The following FAM76A variants were observed in gnomAD, a reference collection of about 807,000 sequenced individuals.
The protein encoded by FAM76A is family with sequence similarity 76 member A.
FAM76A carries 32 observed loss-of-function variants against 46.2 expected under a neutral mutation model. The ratio of observed to expected loss-of-function variants is 0.69; its 90% CI spans 0.52 to 0.93. The LOEUF is 0.93. Among genes scored for constraint, FAM76A ranks in the 40% least tolerant of loss-of-function variants. The pLI is 0.00. For missense variants in FAM76A, 274 were observed against 361.5 expected (o/e 0.76, Z 1.96); for synonymous variants, 137 against 127.0 (o/e 1.08, Z -0.53).
intron 6 of FAM76A, among the ~76,000 whole-genome samples, chr1:27,751,465 C>T (rs2088330274): frequency 6.7e-6 from 1 of 148,780 alleles, no homozygotes; most frequent in Non-Finnish European, 1.5e-5. Flanking sequence ...TTTTTAATGT[C>T]ATCCAAACCA....
chr1:27,737,612 G>A (rs2088071924), intron 4 of FAM76A, among the ~76,000 whole-genome samples: 1 of 151,934 alleles, frequency 6.6e-6, no homozygotes, highest in Non-Finnish European at 1.5e-5. Flanking sequence ...AGCACTTTGG[G>A]AGGCCAAGGC....
intron 2 of FAM76A, among the ~76,000 whole-genome samples, chr1:27,731,912 C>T (rs948061289): frequency 1.3e-5 from 2 of 152,094 alleles, no homozygotes; most frequent in African/African-American, 2.4e-5. Flanking sequence ...ACCTCCGCCT[C>T]CCGGGTTCAA....
intron 2 of FAM76A, among the ~76,000 whole-genome samples, chr1:27,732,364 A>G (rs2087973750): frequency 6.6e-6 from 1 of 152,138 alleles, no homozygotes; most frequent in Non-Finnish European, 1.5e-5. Context: ...TGGGAGGCAG[A>G]GGTTATAGTG....
At chr1:27,759,767 T>TTTTTTTTTTTG in intron 8 of FAM76A, 140 bp downstream of exon 8, 6 of 367,182 alleles carry the variant, frequency 1.6e-5, no homozygotes, top group East Asian at 1.2e-4. Flanking sequence ...CCCTTTTAGG[T>TTTTTTTTTTTG]TTTTTTTTTT....
At position 27,735,575 on chromosome 1, in the gene FAM76A, A is replaced by T. The variant is rs569073666; in HGVS notation, c.354+1392A>T. On this transcript the variant is annotated intron_variant, in intron 4 of 8. Coordinates refer to ENST00000373954, the MANE Select transcript of FAM76A (RefSeq NM_152660.3). ...AGGATATAACTTTCTATTGACCAGG[A>T]TACTCCTGCCTGCCAACCAGGACAT... Among the ~76,000 whole-genome samples the T allele has an allele frequency of 1.6e-4, 25 of 152,294 alleles. No individual in the cohort carries two copies. In the South Asian group the frequency reaches 5.2e-3, roughly 32 times the overall value.
At chr1:27,730,916 G>T (rs1228833339) in intron 2 of FAM76A, among the ~76,000 whole-genome samples, 2 of 151,980 alleles carry the variant, frequency 1.3e-5, no homozygotes, top group African/African-American at 4.8e-5. Flanking sequence ...CCCAGGCTGA[G>T]CCTCCTAAAG....
At chr1:27,744,120 T>TA (rs1328819511) in intron 4 of FAM76A, among the ~76,000 whole-genome samples, 28 of 152,116 alleles carry the variant, frequency 1.8e-4, no homozygotes, top group African/African-American at 5.8e-4. Flanking sequence ...GAAATTTATT[T>TA]ATTTAATTTA....
chr1:27,735,114 G>A (rs1352861066), intron 4 of FAM76A, among the ~76,000 whole-genome samples: 1 of 152,198 alleles, frequency 6.6e-6, no homozygotes, highest in Non-Finnish European at 1.5e-5. Flanking sequence ...CCTGTAGTCT[G>A]TCTGACATGC....
At chr1:27,744,546 A>G (rs139497813) in intron 4 of FAM76A, 108 bp from the exon 5 acceptor site, 18 of 1,176,544 alleles carry the variant, frequency 1.5e-5, no homozygotes, top group Admixed American at 1.3e-4. Flanking sequence ...GTCACAGCAC[A>G]TAAGTTTCAG....
chr1:27,756,487 C>T (rs1029028968), intron 7 of FAM76A, among the ~76,000 whole-genome samples: 2 of 151,912 alleles, frequency 1.3e-5, no homozygotes, highest in Admixed American at 6.6e-5. Flanking sequence ...GATGGGGTTT[C>T]GCCATGTTGG....
At chr1:27,746,844 AG>A (rs1265824097) in intron 5 of FAM76A, among the ~76,000 whole-genome samples, 1 of 152,168 alleles carries the variant, frequency 6.6e-6, no homozygotes, top group African/African-American at 2.4e-5. Context: ...TGGGAGGCCG[AG>A]GTGGGAGGGT....
chr1:27,744,870 A>G (rs1338306748), intron 5 of FAM76A, 59 bp downstream of exon 5: 1 of 1,528,908 alleles, frequency 6.5e-7, no homozygotes, highest in African/African-American at 1.4e-5. Context: ...TGTAATGCTC[A>G]CATAACCATC....
chr1:27,749,113 GA>G lies in FAM76A; in HGVS notation c.563del (p.Lys188SerfsTer34), dbSNP rs2088292985. 6.2e-7 allele frequency: 1 copy of G among 1,607,052 alleles called. No homozygotes were observed. Among genetic ancestry groups the G allele is most frequent in the Admixed American group, 1.7e-5 (1 of 57,444 alleles). On this transcript the variant is annotated frameshift_variant, in exon 6 of 9. Coordinates refer to ENST00000373954, the MANE Select transcript of FAM76A (RefSeq NM_152660.3). LOFTEE classifies it high-confidence loss of function. ...TSSIQNEIPK[K>X]KSKFESITTN... ...CTTCAATTCAAAATGAAATCCCAAA[GA>G]AAAAGTCCAAGTTTGAGTCAATCAC...
At chr1:27,743,153 CTATT>C (rs1193371598) in intron 4 of FAM76A, among the ~76,000 whole-genome samples, 6 of 152,058 alleles carry the variant, frequency 3.9e-5, no homozygotes, top group African/African-American at 7.2e-5. Flanking sequence ...TAAAAAATAT[CTATT>C]TATTCATTTT....
intron 4 of FAM76A, among the ~76,000 whole-genome samples, chr1:27,735,307 T>C (rs2088026398): frequency 6.6e-6 from 1 of 152,228 alleles, no homozygotes; most frequent in African/African-American, 2.4e-5. Context: ...ATCTCACATA[T>C]CGAAAACTAG....
At chr1:27,753,656 T>C (rs2088364862) in intron 6 of FAM76A, among the ~76,000 whole-genome samples, 1 of 152,228 alleles carries the variant, frequency 6.6e-6, no homozygotes, top group South Asian at 2.1e-4. Context: ...TTGTCGATTA[T>C]TTATGTCTTC....
At position 27,760,804 on chromosome 1, in the gene FAM76A, C is replaced by T. The variant is rs1293494873; in HGVS notation, c.*223C>T. 4.0e-6 allele frequency: 1 copy of T among 252,514 alleles called. No individual in the cohort carries two copies. The highest frequency in any genetic ancestry group is 8.0e-6 in the Non-Finnish European group (1 of 125,490). The allele number at this position is 252,514 out of a possible 1,614,324, so 15.6% of individuals were successfully genotyped here. ...GGGATTTCAAGCTCGCTCTCTTTCT[C>T]TCACTATTAGGACTTTTCTTTTTCT... On this transcript the variant is annotated 3_prime_UTR_variant, in exon 9 of 9. Transcript: ENST00000373954.
intron 6 of FAM76A, among the ~76,000 whole-genome samples, chr1:27,751,779 G>A (rs374837690): frequency 9.9e-5 from 15 of 151,798 alleles, no homozygotes; most frequent in African/African-American, 3.4e-4. Flanking sequence ...TGGGATTACA[G>A]GAATGAGCCA....
At chr1:27,733,456 GTC>G (rs1312285805) in intron 3 of FAM76A, among the ~76,000 whole-genome samples, 2 of 152,166 alleles carry the variant, frequency 1.3e-5, no homozygotes, top group East Asian at 3.8e-4. Context: ...TCTCATAGAA[GTC>G]TCTGCATACA....
Sources: gnomAD v4.1 joint callset for allele counts (sites outside exome capture counted in the v4.1 genomes callset) on GRCh38, gnomAD v4.1.1 for gene constraint, MANE v1.5 for transcripts, NCBI Gene and HGNC (gene_info 2026-07-23, HGNC 2026-07-21) for gene names.